ZBTB1: variants seen among roughly 807,000 people sequenced by gnomAD.
ZBTB1 encodes the protein zinc finger and BTB domain containing 1, also known as zinc finger and BTB domain-containing protein 1.
A neutral mutation model predicts 51.6 loss-of-function variants in ZBTB1; 13 were observed. That is an observed-to-expected ratio of 0.25 (90% CI 0.16 to 0.40). ZBTB1 has a LOEUF of 0.40. ZBTB1 is among the 10% of genes least tolerant of loss of function. The pLI, the probability that ZBTB1 is intolerant of heterozygous loss-of-function variation, is 1.00. For missense variants in ZBTB1, 567 were observed against 856.5 expected, an observed-to-expected ratio of 0.66 and a Z score of 4.22; for synonymous variants, 240 against 282.2, an observed-to-expected ratio of 0.85 and a Z score of 1.50.
At chr14:64,517,069 C>T (rs1403291120) in intron 1 of ZBTB1, among the ~76,000 whole-genome samples, 1 of 152,174 alleles carries the variant, frequency 6.6e-6, no homozygotes, top group Non-Finnish European at 1.5e-5. Flanking sequence ...TTCTAATGGA[C>T]TGTTATTTGG....
At chr14:64,508,130 G>T (rs2079686657) in intron 1 of ZBTB1, among the ~76,000 whole-genome samples, 1 of 152,198 alleles carries the variant, frequency 6.6e-6, no homozygotes, top group Non-Finnish European at 1.5e-5. Context: ...TAAAAACAGA[G>T]CCCCAAAATA....
chr14:64,531,568 C>T (rs1044799593), intron 2 of ZBTB1, among the ~76,000 whole-genome samples: 4 of 152,162 alleles, frequency 2.6e-5, no homozygotes, highest in Non-Finnish European at 4.4e-5. Context: ...CTTCCTTCCT[C>T]CCTACTTTCC....
At chr14:64,527,047 G>GAA (rs1283187660), downstream of ZBTB1, among the ~76,000 whole-genome samples, 1 of 150,714 alleles carries the variant, frequency 6.6e-6, no homozygotes, top group Non-Finnish European at 1.5e-5. Flanking sequence ...CTCCATCTCT[G>GAA]AAAAAAATTA....
intron 1 of ZBTB1, among the ~76,000 whole-genome samples, chr14:64,517,057 C>G (rs1310679440): frequency 6.6e-6 from 1 of 152,150 alleles, no homozygotes; most frequent in African/African-American, 2.4e-5. Context: ...TAACTACTGG[C>G]TTTCTAATGG....
In ZBTB1 at chr14:64,522,943, G is replaced by C; in HGVS notation, c.1439G>C (p.Gly480Ala). The C allele has an allele frequency of 2.5e-6, 4 of 1,614,134 alleles. No homozygotes were observed. Among genetic ancestry groups the C allele is most frequent in the Non-Finnish European group, 3.4e-6 (4 of 1,180,012 alleles). Reference sequence around the variant, plus strand: ...GAGCCCCAAGATCTGACCATGAATGGGTTAGGAAATACTGAGGAGAAAATG... The same window carrying C: ...GAGCCCCAAGATCTGACCATGAATGCGTTAGGAAATACTGAGGAGAAAATG... Reference protein sequence around the residue: ...CGEPQDLTMNGLGNTEEKMDL... With the variant: ...CGEPQDLTMNALGNTEEKMDL... The change falls in exon 2 of 2, where the codon GGG becomes GCG. Residue 480 changes from glycine to alanine, a missense_variant. Transcript: ENST00000683701.
downstream of ZBTB1, chr14:64,525,007 T>TTTAA (rs1287110051): frequency 1.9e-5 from 16 of 843,896 alleles, no homozygotes; most frequent in East Asian, 7.3e-4. Context: ...TGAAAGGGAT[T>TTTAA]TTAATTAACT....
chr14:64,514,181 A>C (rs60908674), intron 1 of ZBTB1: 26,382 of 152,224 alleles, frequency 0.17, 2,614 homozygotes, highest in Non-Finnish European at 0.22. Flanking sequence ...GTAATCCTCA[A>C]ATCCATATGC....
chr14:64,532,854 A>G (rs933413092), exon 3 of ZBTB1: 1 of 150,498 alleles, frequency 6.6e-6, no homozygotes, highest in African/African-American at 2.4e-5. Context: ...GCTTTGTTTG[A>G]TATATATATG....
At chr14:64,518,641 GT>G (rs1010290760) in intron 1 of ZBTB1, 14 of 151,986 alleles carry the variant, frequency 9.2e-5, no homozygotes, top group Non-Finnish European at 1.8e-4. Flanking sequence ...TAAACAGCTT[GT>G]TACATGTTCT....
At chr14:64,532,153 GA>G (rs2079946697) in exon 3 of ZBTB1, 2 of 395,502 alleles carry the variant, frequency 5.1e-6, no homozygotes, top group African/African-American at 2.1e-5. Context: ...AAAGTAACTA[GA>G]AAATTCATAC....
rs1379979844 is a variant in ZBTB1, at chr14:64,524,213, A to T, written c.*567A>T. 7 of 985,136 alleles carry T rather than the reference A, an allele frequency of 7.1e-6. No homozygotes were observed. The highest frequency in any genetic ancestry group is 2.4e-6 in the Non-Finnish European group (2 of 829,830). 61.0% of individuals were successfully genotyped at this position (985,136 alleles called of 1,614,324 possible). Reference sequence around the variant, plus strand: ...AACCTTTAAGGTTGACATGGGCTCAAACTTGGCCTAAAAAGATTGATGAAC... The same window carrying T: ...AACCTTTAAGGTTGACATGGGCTCATACTTGGCCTAAAAAGATTGATGAAC... On this transcript the variant is annotated 3_prime_UTR_variant, in exon 2 of 2. Transcript: ENST00000683701.
At chr14:64,512,590 C>T (rs945720606) in intron 1 of ZBTB1, among the ~76,000 whole-genome samples, 1 of 152,098 alleles carries the variant, frequency 6.6e-6, no homozygotes, top group African/African-American at 2.4e-5. Context: ...TTTCAAGTTC[C>T]AAATAAATTA....
chr14:64,504,518 G>A (rs895287304), upstream of ZBTB1: 20 of 169,272 alleles, frequency 1.2e-4, no homozygotes, highest in Non-Finnish European at 2.3e-4. Flanking sequence ...TGGTCAAGCC[G>A]CCGCCGCCGC....
At chr14:64,519,000 G>A (rs1485508976) in intron 1 of ZBTB1, among the ~76,000 whole-genome samples, 1 of 144,828 alleles carries the variant, frequency 6.9e-6, no homozygotes, top group East Asian at 2.0e-4. Context: ...CATCTCATAG[G>A]TACTCAATAT....
At chr14:64,519,120 A>T (rs1433853392) in intron 1 of ZBTB1, among the ~76,000 whole-genome samples, 3 of 147,758 alleles carry the variant, frequency 2.0e-5, no homozygotes, top group African/African-American at 7.5e-5. Flanking sequence ...TTTTTATTCT[A>T]TATGCCTCTA....
At chr14:64,531,637 A>C (rs2079942650) in intron 2 of ZBTB1, among the ~76,000 whole-genome samples, 1 of 152,164 alleles carries the variant, frequency 6.6e-6, no homozygotes, top group South Asian at 2.1e-4. Flanking sequence ...CTGCTGATAG[A>C]TTAATAAGAA....
intron 1 of ZBTB1, among the ~76,000 whole-genome samples, chr14:64,518,941 G>C (rs1056995581): frequency 1.1e-5 from 1 of 89,514 alleles, no homozygotes; most frequent in East Asian, 3.1e-4. Flanking sequence ...TATATAGTAT[G>C]ATACCATTTA....
In ZBTB1 at chr14:64,523,407, G is replaced by C; in HGVS notation, c.1903G>C (p.Val635Leu). 6.2e-7 allele frequency: 1 copy of C among 1,614,214 alleles called. No individual in the cohort carries two copies. The highest frequency in any genetic ancestry group is 8.5e-7 in the Non-Finnish European group (1 of 1,180,018). Residue 635 changes from valine to leucine, a missense_variant, in exon 2 of 2, where the codon GTC (valine) becomes CTC (leucine). Physicochemically the swap from Val to Leu is conservative, Grantham distance 32. Around this residue, in one of 5 missense-constraint regions of ZBTB1, gnomAD observed 69 missense variants for 171.8 expected, o/e 0.40. Coordinates refer to ENST00000683701, the MANE Select transcript of ZBTB1 (RefSeq NM_001123329.2). The surrounding 1 kb of genome is among the most constrained non-coding windows in gnomAD (Gnocchi z 4.5). ...NDMHKGMARY[V>L]CSICDQGNFR... ...TATGCACAAAGGCATGGCCAGGTATGTCTGTTCCATTTGTGATCAAGGAAA... is the reference window on the plus strand; with the variant it reads ...TATGCACAAAGGCATGGCCAGGTATCTCTGTTCCATTTGTGATCAAGGAAA...
chr14:64,506,541 CAAA>C (rs2079659780), intron 1 of ZBTB1, among the ~76,000 whole-genome samples: 1 of 152,010 alleles, frequency 6.6e-6, no homozygotes, highest in African/African-American at 2.4e-5. Flanking sequence ...CTCAAAAAAA[CAAA>C]CAACAACAAC....
Sources: allele counts gnomAD v4.1 joint callset (sites outside exome capture counted in the v4.1 genomes callset), GRCh38; gene constraint gnomAD v4.1.1; regional missense constraint gnomAD v4.1.1; non-coding constraint Gnocchi (gnomAD v3.1); transcripts MANE v1.5; gene names NCBI Gene and HGNC (gene_info 2026-07-23, HGNC 2026-07-21).